Variants in DNM1L observed in about 807,000 individuals in gnomAD.
The protein encoded by DNM1L is dynamin-1-like protein.
In DNM1L, 33 loss-of-function variants were observed where a neutral mutation model predicts 92.8. That is an observed-to-expected ratio of 0.36 (90% confidence interval 0.27 to 0.48). The LOEUF (loss-of-function observed/expected upper bound fraction) is 0.48, where lower values mean the gene tolerates loss of function less well. Among genes scored for constraint, DNM1L ranks in the 20% least tolerant of loss-of-function variants. The pLI, the probability that DNM1L is intolerant of heterozygous loss-of-function variation, is 0.99. For synonymous variants in DNM1L, 284 were observed against 305.0 expected, an observed-to-expected ratio of 0.93 and a Z score of 0.72; for missense variants, 485 against 888.8, an observed-to-expected ratio of 0.55 and a Z score of 5.78.
chr12:32,718,464 A>C lies in DNM1L; in HGVS notation c.620-179A>C, dbSNP rs28695333. 0.012 allele frequency among the ~76,000 whole-genome samples: 1,882 copies of C among 152,138 alleles called. 39 individuals are homozygous for C. Among genetic ancestry groups the C allele is most frequent in the African/African-American group, 0.043 (1,795 of 41,506 alleles). On this transcript the variant is annotated intron_variant, in intron 6 of 19. Transcript: ENST00000549701. ...GCAAAAATGTTTTAAAAAATTATAC[A>C]CAATGTTTAACATTATTTTTAAAAA...
chr12:32,738,744 C>G (rs1955081198), intron 16 of DNM1L, among the ~76,000 whole-genome samples: 1 of 152,102 alleles, frequency 6.6e-6, no homozygotes. Context: ...CAAATGGGGA[C>G]TGTGAGAGTT....
chr12:32,732,414 G>T (rs1176466777), intron 12 of DNM1L: 3 of 434,432 alleles, frequency 6.9e-6, no homozygotes, highest in African/African-American at 6.1e-5. Context: ...GTGGGTTGCT[G>T]CTATCCACAC....
chr12:32,692,678 TCA>T (rs2137256785), intron 1 of DNM1L: 1 of 152,470 alleles, frequency 6.6e-6, no homozygotes, highest in South Asian at 2.1e-4. Flanking sequence ...ATCAAATGAA[TCA>T]CAGTGCTACC....
At chr12:32,693,927 C>T (rs1952330556) in intron 1 of DNM1L, among the ~76,000 whole-genome samples, 1 of 152,136 alleles carries the variant, frequency 6.6e-6, no homozygotes, top group South Asian at 2.1e-4. Context: ...GCATGTGCCA[C>T]CTCGCCTGGC....
intron 4 of DNM1L, 90 bp downstream of exon 4, chr12:32,708,314 T>A (rs993960975): frequency 4.7e-6 from 4 of 844,396 alleles, no homozygotes; most frequent in Non-Finnish European, 7.8e-6. Flanking sequence ...GCATTGTAAA[T>A]TCCTACTCTT....
rs1953208851 is a variant in DNM1L at position 32,713,194 on chromosome 12, C to G, written c.457-15C>G. 1.2e-6 allele frequency: 2 copies of G among 1,613,658 alleles called. No individual in the cohort carries two copies. Among genetic ancestry groups the G allele is most frequent in the Non-Finnish European group, 1.7e-6 (2 of 1,179,852 alleles). On this transcript the variant is annotated splice_polypyrimidine_tract_variant and intron_variant, in intron 5 of 19. Transcript: ENST00000549701. Reference sequence around the variant, plus strand: ...TTTTAATTATTAGTTCCTTGCTCATCTCTGTTTGGTTTAGGTGCCTGTAGG... The same window carrying G: ...TTTTAATTATTAGTTCCTTGCTCATGTCTGTTTGGTTTAGGTGCCTGTAGG...
At chr12:32,719,410 GAA>G (rs1256278586) in intron 7 of DNM1L, among the ~76,000 whole-genome samples, 2 of 152,218 alleles carry the variant, frequency 1.3e-5, no homozygotes, top group Admixed American at 1.3e-4. Context: ...ACCCAATCGA[GAA>G]AGAGTTTAAG....
intron 1 of DNM1L, among the ~76,000 whole-genome samples, chr12:32,691,826 G>A (rs1221906132): frequency 6.6e-6 from 1 of 152,132 alleles, no homozygotes; most frequent in Admixed American, 6.6e-5. Context: ...ACAGATAAAA[G>A]ACAAAAGTTC....
At chr12:32,712,679 GA>G (rs1228242608) in intron 5 of DNM1L, among the ~76,000 whole-genome samples, 1 of 92,460 alleles carries the variant, frequency 1.1e-5, no homozygotes, top group Admixed American at 1.2e-4. Context: ...AAAAAAAAAA[GA>G]AAAAAATCAT....
chr12:32,684,537 G>A (rs960059652), intron 1 of DNM1L, among the ~76,000 whole-genome samples: 40 of 150,504 alleles, frequency 2.7e-4, no homozygotes, highest in African/African-American at 9.8e-4. Flanking sequence ...GAGTGCAATG[G>A]CACAATCTCA....
chr12:32,706,687 C>T (rs1197426046), intron 2 of DNM1L: 4 of 454,796 alleles, frequency 8.8e-6, no homozygotes, highest in South Asian at 1.6e-5. Context: ...TTCCTGCCTC[C>T]AGTTCCAAGG....
intron 9 of DNM1L, chr12:32,726,328 G>T: frequency 7.1e-7 from 1 of 1,406,200 alleles, no homozygotes; most frequent in Non-Finnish European, 1.0e-6. Flanking sequence ...AGTAAGAATT[G>T]TGTTTAGGCT....
intron 14 of DNM1L, 135 bp from the exon 15 acceptor site, chr12:32,737,730 A>T: frequency 1.4e-6 from 1 of 732,106 alleles, no homozygotes; most frequent in Non-Finnish European, 2.4e-6. Context: ...AGAATAAACA[A>T]TCTCCCATGA....
intron 12 of DNM1L, chr12:32,733,368 A>T: frequency 4.1e-6 from 1 of 243,452 alleles, no homozygotes; most frequent in Non-Finnish European, 8.0e-6. Flanking sequence ...GGAATAGTGG[A>T]TGATCTGAAG....
intron 18 of DNM1L, among the ~76,000 whole-genome samples, chr12:32,741,424 A>C (rs1452415927): frequency 6.6e-6 from 1 of 152,110 alleles, no homozygotes; most frequent in Non-Finnish European, 1.5e-5. Context: ...TAGCTGGGAT[A>C]ACAGGTGTGC....
chr12:32,737,188 C>T, intron 14 of DNM1L, 27 bp downstream of exon 14: 2 of 1,609,366 alleles, frequency 1.2e-6, no homozygotes, highest in Non-Finnish European at 1.7e-6. Flanking sequence ...AATGCATATT[C>T]CCAATACCTA....
chr12:32,705,743 T>C (rs1477672999), intron 2 of DNM1L: 8 of 1,262,308 alleles, frequency 6.3e-6, no homozygotes, highest in Non-Finnish European at 9.0e-6. Context: ...ATCAGGTTTC[T>C]GCACATTTGA....
At chr12:32,704,316 G>A (rs1159062517) in intron 2 of DNM1L, among the ~76,000 whole-genome samples, 1 of 152,094 alleles carries the variant, frequency 6.6e-6, no homozygotes, top group East Asian at 1.9e-4. Flanking sequence ...TTGGGAGGCC[G>A]AGGCGGGTGG....
chr12:32,712,670 A>G (rs892067855), intron 5 of DNM1L, among the ~76,000 whole-genome samples: 1 of 150,292 alleles, frequency 6.7e-6, no homozygotes, highest in South Asian at 2.1e-4. Flanking sequence ...AAAAAAAAAA[A>G]AAAAAAAAGA....
Sources: allele counts gnomAD v4.1 joint callset (sites outside exome capture counted in the v4.1 genomes callset), GRCh38; gene constraint gnomAD v4.1.1; transcripts MANE v1.5; gene names NCBI Gene and HGNC (gene_info 2026-07-23, HGNC 2026-07-21).